The following SYNE2 variants were observed in gnomAD, a reference collection of about 807,000 sequenced individuals.
SYNE2 encodes the protein nesprin-2.
A neutral mutation model predicts 856.3 loss-of-function variants in SYNE2; 431 were observed. The ratio of observed to expected loss-of-function variants is 0.50; its 90% CI spans 0.47 to 0.55. SYNE2 has a LOEUF of 0.55. Ranked by LOEUF, SYNE2 falls within the 20% of genes least tolerant of loss-of-function variation. The probability of loss-of-function intolerance (pLI) is 0.00; values close to 1 mark genes in which losing one functional copy is unlikely to be tolerated. For synonymous variants in SYNE2, 2,923 were observed against 2,872.3 expected, an observed-to-expected ratio of 1.02 and a Z score of -0.56; for missense variants, 8,129 against 8,023.2, an observed-to-expected ratio of 1.01 and a Z score of -0.50.
chr14:64,076,830 G>A (rs1274586363), intron 54 of SYNE2, among the ~76,000 whole-genome samples: 1 of 147,408 alleles, frequency 6.8e-6, no homozygotes, highest in African/African-American at 2.5e-5. Flanking sequence ...AAACTTAGTT[G>A]CTAGAATATG....
Position 64,218,486 on chromosome 14 carries a change from T to C in SYNE2, c.19631T>C (p.Leu6544Pro), listed in dbSNP as rs2098677401. 2.5e-6 allele frequency: 4 copies of C among 1,614,056 alleles called. No individual in the cohort carries two copies. The highest frequency in any genetic ancestry group is 3.4e-6 in the Non-Finnish European group (4 of 1,180,024). The change falls in exon 109 of 116, where the codon CTG becomes CCG. Residue 6544 changes from leucine to proline, a missense_variant. Around this residue, in one of 3 missense-constraint regions of SYNE2, gnomAD observed 5,410 missense variants for 5,284.8 expected, o/e 1.02. Transcript: ENST00000555002. The stretch of plus-strand genomic sequence containing the variant: ...AACCCACAGCAGGAAGACGGGGGAC[T>C]GGCCGGTATCACAGAGCAGCAGTCA... ...NGNPQQEDGG[L>P]AGITEQQSGA...
chr14:63,806,088 C>G (rs1379990217), intron 1 of SYNE2, among the ~76,000 whole-genome samples: 3 of 152,096 alleles, frequency 2.0e-5, no homozygotes, highest in African/African-American at 7.2e-5. Flanking sequence ...CCAGCTTTTG[C>G]CAGTTCAGTA....
In SYNE2 at chr14:63,844,684, T is replaced by A. The variant is rs183571207; in HGVS notation, c.-304-7817T>A. 9.4e-3 allele frequency among the ~76,000 whole-genome samples: 1,432 copies of A among 152,300 alleles called. 8 individuals carry two copies. Among genetic ancestry groups the A allele is most frequent in the Non-Finnish European group, 0.013 (915 of 68,032 alleles). On this transcript the variant is annotated intron_variant, in intron 1 of 23. Transcript: ENST00000674003. The stretch of plus-strand genomic sequence containing the variant: ...AGTCTTTGTCAGATTGTGGAATCAA[T>A]ATTATATTGATTGGCTTCATAAAAT...
intron 1 of SYNE2, among the ~76,000 whole-genome samples, chr14:63,846,440 T>C (rs1463465818): frequency 6.6e-6 from 1 of 152,234 alleles, no homozygotes; most frequent in African/African-American, 2.4e-5. Context: ...AATTTTTCTT[T>C]AGTCACCGAT....
intron 90 of SYNE2, chr14:64,166,692 T>TC (rs1261544819): frequency 5.3e-6 from 1 of 188,024 alleles, no homozygotes; most frequent in African/African-American, 2.4e-5. Context: ...ACGCCTGTAA[T>TC]CCCAGCACTT....
chr14:64,120,135 A>C (rs1339070558), intron 67 of SYNE2, among the ~76,000 whole-genome samples: 1 of 152,206 alleles, frequency 6.6e-6, no homozygotes, highest in African/African-American at 2.4e-5. Flanking sequence ...AGTAGATCTT[A>C]CTATAAAAGA....
chr14:64,093,782 C>A (rs558296856), intron 61 of SYNE2, among the ~76,000 whole-genome samples: 1 of 152,102 alleles, frequency 6.6e-6, no homozygotes, highest in African/African-American at 2.4e-5. Context: ...CCAGGGCTGC[C>A]GCATCTCCTT....
intron 70 of SYNE2, among the ~76,000 whole-genome samples, chr14:64,123,112 A>C (rs1442918656): frequency 6.6e-6 from 1 of 152,050 alleles, no homozygotes; most frequent in African/African-American, 2.4e-5. Flanking sequence ...AAAAAAAAAA[A>C]ACACTTTAAA....
chr14:64,089,342 G>A (rs532329495), intron 58 of SYNE2, among the ~76,000 whole-genome samples: 29 of 139,296 alleles, frequency 2.1e-4, no homozygotes, highest in African/African-American at 8.0e-4. Context: ...CTCCAGCCTG[G>A]GCAACAAGAG....
At position 64,049,797 on chromosome 14, in the gene SYNE2, C is replaced by A; in HGVS notation, c.7564C>A (p.Leu2522Ile). The A allele has an allele frequency of 6.2e-7, 1 of 1,614,078 alleles. No individual in the cohort carries two copies. The highest frequency in any genetic ancestry group is 8.5e-7 in the Non-Finnish European group (1 of 1,180,006). Residue 2522 changes from leucine (L) to isoleucine (I), a missense_variant, in exon 47 of 116, where the codon CTC (leucine) becomes ATC (isoleucine). Transcript: ENST00000555002. ...AAACAAAGAAAGCCAATATTGTGTCCTCAGAGATTTTCAGGAATACCTTGC... is the reference window on the plus strand; with the variant it reads ...AAACAAAGAAAGCCAATATTGTGTCATCAGAGATTTTCAGGAATACCTTGC... ...KKNKESQYCV[L>I]RDFQEYLAAV...
At chr14:64,183,405 A>C (rs370388320) in intron 96 of SYNE2, among the ~76,000 whole-genome samples, 2 of 83,034 alleles carry the variant, frequency 2.4e-5, no homozygotes, top group African/African-American at 5.8e-5. Flanking sequence ...GATGGCAGCC[A>C]GGAAGAGGCG....
chr14:64,073,972 CTTCAGAAAG>C lies in SYNE2; in HGVS notation c.10711_10719del (p.Val3571_Lys3573del), dbSNP rs2097435494. The C allele has an allele frequency of 6.2e-7, 1 of 1,614,010 alleles. No individual in the cohort carries two copies. The highest frequency in any genetic ancestry group is 8.5e-7 in the Non-Finnish European group (1 of 1,179,980). On this transcript the variant is annotated inframe_deletion, in exon 53 of 116. Transcript: ENST00000555002. ...TATTTTGACGTTCTCTTTTAGGCTT[CTTCAGAAAG>C]TTCAGAAAAATAAAGAATTGGTGCA...
chr14:64,073,083 T>G (rs2097425234), intron 52 of SYNE2, among the ~76,000 whole-genome samples: 2 of 152,166 alleles, frequency 1.3e-5, no homozygotes, highest in African/African-American at 4.8e-5. Context: ...GTCTTTTGGG[T>G]TTTTTTATGG....
intron 8 of SYNE2, 58 bp from the exon 9 acceptor site, chr14:63,961,467 T>C: frequency 7.1e-7 from 1 of 1,416,220 alleles, no homozygotes; most frequent in Admixed American, 1.8e-5. Flanking sequence ...AGCCCATTCT[T>C]GAGTATTCAT....
At position 64,132,365 on chromosome 14, in the gene SYNE2, A is replaced by C. The variant is rs944539742; in HGVS notation, c.14441A>C (p.Glu4814Ala). The change falls in exon 77 of 116, where the codon GAA (glutamate) becomes GCA (alanine). Residue 4814 changes from glutamate to alanine, a missense_variant. This residue lies in a region of SYNE2 where 5,410 missense variants were observed against 5,284.8 expected (regional missense o/e 1.02). Transcript: ENST00000555002. ...LLQNRETFWA[E>A]QVTEVKILEE... Reference sequence around the variant, plus strand: ...CAAAACAGAGAGACATTTTGGGCAGAACAAGTAACAGAAGTTAAAATACTA... The same window carrying C: ...CAAAACAGAGAGACATTTTGGGCAGCACAAGTAACAGAAGTTAAAATACTA... 6.2e-7 allele frequency: 1 copy of C among 1,614,110 alleles called. No homozygotes were observed. Among genetic ancestry groups the C allele is most frequent in the Admixed American group, 1.7e-5 (1 of 60,006 alleles).
At chr14:63,774,950 T>G (rs907321702) in intron 1 of SYNE2, among the ~76,000 whole-genome samples, 2 of 152,006 alleles carry the variant, frequency 1.3e-5, no homozygotes, top group Non-Finnish European at 1.5e-5. Context: ...GTATTTTAAT[T>G]TAATTTTATT....
chr14:64,049,256 CAA>C (rs2097207237), intron 46 of SYNE2: 1 of 154,884 alleles, frequency 6.5e-6, no homozygotes, highest in Non-Finnish European at 1.4e-5. Context: ...CCAGCCTGGG[CAA>C]TATAGCAAGA....
chr14:63,768,719 AAAAC>A (rs941711695), intron 1 of SYNE2, among the ~76,000 whole-genome samples: 2 of 152,288 alleles, frequency 1.3e-5, no homozygotes, highest in South Asian at 2.1e-4. Flanking sequence ...CAGTGTGGAT[AAAAC>A]AAACAAACAA....
chr14:63,899,176 G>A (rs35672192), intron 1 of SYNE2, among the ~76,000 whole-genome samples: 8,914 of 151,804 alleles, frequency 0.059, 272 homozygotes, highest in Middle Eastern at 0.092. Flanking sequence ...TGAATGTCAG[G>A]TTTTTTAGCT....
Sources: allele counts gnomAD v4.1 joint callset (sites outside exome capture counted in the v4.1 genomes callset), GRCh38; gene constraint gnomAD v4.1.1; regional missense constraint gnomAD v4.1.1; transcripts MANE v1.5; gene names NCBI Gene and HGNC (gene_info 2026-07-23, HGNC 2026-07-21).